Variants in C10orf105 observed in about 807,000 individuals in gnomAD.
C10orf105 encodes the protein uncharacterized protein C10orf105.
In C10orf105, 2 loss-of-function variants were observed where a neutral mutation model predicts 0.6. That is an observed-to-expected ratio of 3.18 (90% CI 1.30 to 10.01). The LOEUF (loss-of-function observed/expected upper bound fraction) is 10.01. Ranked by LOEUF, C10orf105 falls within the 30% of genes most tolerant of loss-of-function variation. The pLI is 0.04. For synonymous variants in C10orf105, 95 were observed against 82.4 expected, an observed-to-expected ratio of 1.15 and a Z score of -0.83; for missense variants, 209 against 191.4, an observed-to-expected ratio of 1.09 and a Z score of -0.54.
At position 71,716,278 on chromosome 10, in the gene C10orf105, G is replaced by C. The variant is rs771699653; in HGVS notation, c.60C>G (p.Leu20=). The C allele has an allele frequency of 9.8e-5, 150 of 1,532,568 alleles. No individual in the cohort carries two copies. In the South Asian group the frequency reaches 1.8e-3, roughly 18 times the overall value. 94.9% of individuals were successfully genotyped at this position (1,532,568 alleles called of 1,614,324 possible). A position where few individuals can be genotyped will look rare whatever the true frequency, so the allele number is the denominator to read the frequency against. ...SSPAISPLAF[L]SAPVTPGTLA... is the part of the protein sequence containing the mutation. ...GGGTCCCGGGAGTGACGGGAGCTGA[G>C]AGAAAGGCGAGGGGGCTGATGGCTG... Residue 20 remains leucine, a synonymous_variant, in exon 2 of 2, where the codon CTC becomes CTG. Transcript: ENST00000441508.
At position 71,732,140 on chromosome 10, in the gene C10orf105, C is replaced by T. The variant is rs377222292; in HGVS notation, c.-6+5588G>A. ...AATGTGTCGGCCACTGACCAGGCCC[C>T]GCCCTTCAACCAGGGCTTCTGCAGC... is the stretch of plus-strand genomic sequence containing the variant. On this transcript the variant is annotated intron_variant, in intron 1 of 1. Transcript: ENST00000398786. 47 of 1,613,908 alleles carry T rather than the reference C, an allele frequency of 2.9e-5. No individual in the cohort carries two copies. The African/African-American group carries it at 5.2e-4, about 18-fold the overall frequency.
intron 1 of C10orf105, chr10:71,734,533 A>C: frequency 6.2e-7 from 1 of 1,604,396 alleles, no homozygotes; most frequent in Non-Finnish European, 8.5e-7. Context: ...GACCTCAGGC[A>C]GGTGGAGGGT....
At chr10:71,724,205 C>T (rs1866703253), upstream of C10orf105, 1 of 1,278,800 alleles carries the variant, frequency 7.8e-7, no homozygotes, top group East Asian at 2.5e-5. Flanking sequence ...GCCAAGAGAA[C>T]CCCCAGGGCC....
chr10:71,731,179 C>T (rs999711197), intron 1 of C10orf105, among the ~76,000 whole-genome samples: 5 of 152,216 alleles, frequency 3.3e-5, no homozygotes, highest in African/African-American at 7.2e-5. Context: ...GCCCTCCGTG[C>T]GGCCTGGGCT....
At position 71,731,356 on chromosome 10, in the gene C10orf105, G is replaced by C. The variant is rs1813271816; in HGVS notation, c.-6+6372C>G. Among the ~76,000 whole-genome samples, 5 of 152,350 alleles carry C rather than the reference G, an allele frequency of 3.3e-5. No individual in the cohort carries two copies. In the South Asian group the frequency reaches 1.0e-3, roughly 32 times the overall value. On this transcript the variant is annotated intron_variant, in intron 1 of 1. Transcript: ENST00000398786. ...AGATTATCTGTGGCATGCATGGGAT[G>C]GGGTGGAGGGAGGAATGGCTGCAAA...
intron 1 of C10orf105, chr10:71,730,515 C>G (rs1218927609): frequency 6.2e-7 from 1 of 1,613,978 alleles, no homozygotes; most frequent in African/African-American, 1.3e-5. Flanking sequence ...CCCGTGTTCA[C>G]ACAGCAGCAG....
chr10:71,730,126 C>T (rs184630085), intron 1 of C10orf105, among the ~76,000 whole-genome samples: 43 of 152,274 alleles, frequency 2.8e-4, no homozygotes, highest in African/African-American at 9.6e-4. Context: ...CGTGAGCCAC[C>T]GCGCCCGGCC....
intron 1 of C10orf105, among the ~76,000 whole-genome samples, chr10:71,725,792 A>ACC (rs1422182862): frequency 6.6e-6 from 1 of 152,112 alleles, no homozygotes; most frequent in Non-Finnish European, 1.5e-5. Context: ...TACTGTACTA[A>ACC]CCCCTGTATC....
chr10:71,715,024 G>A lies in C10orf105; in HGVS notation c.*912C>T, dbSNP rs1235564654. 1 of 152,268 alleles carries A rather than the reference G, an allele frequency of 6.6e-6. No homozygotes were observed. The highest frequency in any genetic ancestry group is 1.5e-5 in the Non-Finnish European group (1 of 68,080). The allele number at this position is 152,268 out of a possible 1,614,324, so 9.4% of individuals were successfully genotyped here. A position where few individuals can be genotyped will look rare whatever the true frequency, so the allele number is the denominator to read the frequency against. On this transcript the variant is annotated 3_prime_UTR_variant, in exon 2 of 2. Coordinates refer to ENST00000441508, the MANE Select transcript of C10orf105 (RefSeq NM_001164375.3). The stretch of plus-strand genomic sequence containing the variant: ...CAAAACCACAGATAGCATCCCTAGT[G>A]TGGGCAGGACTTGGGACCCCACAGC...
intron 1 of C10orf105, among the ~76,000 whole-genome samples, chr10:71,737,000 G>A (rs1052409214): frequency 2.0e-5 from 3 of 152,164 alleles, no homozygotes; most frequent in Admixed American, 1.3e-4. Context: ...AAGCACAAAA[G>A]CCCTGTGGTG....
chr10:71,720,741 G>T (rs1330159040), upstream of C10orf105, among the ~76,000 whole-genome samples: 5 of 152,244 alleles, frequency 3.3e-5, no homozygotes, highest in Admixed American at 3.3e-4. Context: ...GACTGTTAAA[G>T]CTGGAGAGGT....
At chr10:71,726,591 T>C (rs181213259) in intron 1 of C10orf105, among the ~76,000 whole-genome samples, 2 of 152,354 alleles carry the variant, frequency 1.3e-5, no homozygotes, top group African/African-American at 4.8e-5. Context: ...TCAGATCCCC[T>C]GGTTCTTACA....
intron 1 of C10orf105, among the ~76,000 whole-genome samples, chr10:71,727,138 T>C (rs1866849934): frequency 6.6e-6 from 1 of 152,228 alleles, no homozygotes; most frequent in Admixed American, 6.5e-5. Flanking sequence ...ACCCTCATAA[T>C]AGCCTTATGA....
At chr10:71,716,474 C>T in intron 1 of C10orf105, 132 bp from the exon 2 acceptor site, 1 of 694,016 alleles carries the variant, frequency 1.4e-6, no homozygotes. Flanking sequence ...ATGGCCACAT[C>T]ACAGGTTAAG....
intron 1 of C10orf105, among the ~76,000 whole-genome samples, chr10:71,718,952 C>T (rs1388010320): frequency 6.6e-6 from 1 of 151,938 alleles, no homozygotes; most frequent in Non-Finnish European, 1.5e-5. Context: ...GTAGTATGTG[C>T]CTGTGGCCCC....
chr10:71,736,498 T>G (rs1839570000), intron 1 of C10orf105, among the ~76,000 whole-genome samples: 1 of 152,142 alleles, frequency 6.6e-6, no homozygotes, highest in Non-Finnish European at 1.5e-5. Context: ...TAAGAGCTCT[T>G]GAGTAAGTTC....
At chr10:71,735,790 G>A (rs1285805780) in intron 1 of C10orf105, among the ~76,000 whole-genome samples, 2 of 152,216 alleles carry the variant, frequency 1.3e-5, no homozygotes, top group Non-Finnish European at 2.9e-5. Context: ...CTCCATCCGT[G>A]GGGCCAGCCT....
At chr10:71,720,698 G>A (rs569107673), upstream of C10orf105, among the ~76,000 whole-genome samples, 3 of 152,330 alleles carry the variant, frequency 2.0e-5, no homozygotes, top group Admixed American at 2.0e-4. Context: ...GGCACTGTCT[G>A]CCAACCCCAA....
intron 1 of C10orf105, among the ~76,000 whole-genome samples, chr10:71,729,995 C>T (rs1170330425): frequency 2.6e-5 from 4 of 151,992 alleles, no homozygotes; most frequent in African/African-American, 7.2e-5. Flanking sequence ...CCACCACGCC[C>T]GGCTAATTTT....
Sources: allele counts gnomAD v4.1 joint callset (sites outside exome capture counted in the v4.1 genomes callset), GRCh38; gene constraint gnomAD v4.1.1; transcripts MANE v1.5; gene names NCBI Gene and HGNC (gene_info 2026-07-23, HGNC 2026-07-21).